Variants in DPP6 observed in about 807,000 individuals in gnomAD.
DPP6 encodes dipeptidyl peptidase like 6, also known as A-type potassium channel modulatory protein DPP6.
In DPP6, 69 loss-of-function variants were observed where a neutral mutation model predicts 122.6. The ratio of observed to expected loss-of-function variants is 0.56; its 90% confidence interval spans 0.46 to 0.69. The LOEUF (loss-of-function observed/expected upper bound fraction) is 0.69. DPP6 is among the 30% of genes least tolerant of loss of function. The pLI is 0.00. For synonymous variants in DPP6, 418 were observed against 433.1 expected (o/e 0.97, Z 0.43); for missense variants, 928 against 1,116.9 (o/e 0.83, Z 2.41).
chr7:154,267,590 CAT>C (rs1448479933), intron 1 of DPP6, among the ~76,000 whole-genome samples: 3 of 150,686 alleles, frequency 2.0e-5, no homozygotes, highest in East Asian at 2.0e-4. Context: ...TGTGCACATA[CAT>C]ATATATGTGC....
chr7:154,474,580 A>G (rs1406950385), intron 2 of DPP6, among the ~76,000 whole-genome samples: 1 of 152,218 alleles, frequency 6.6e-6, no homozygotes, highest in Admixed American at 6.5e-5. Flanking sequence ...CAATTACATC[A>G]TATGACTGAG....
At chr7:154,820,169 G>A (rs1028702161) in intron 16 of DPP6, among the ~76,000 whole-genome samples, 2 of 152,208 alleles carry the variant, frequency 1.3e-5, no homozygotes, top group Admixed American at 6.5e-5. Flanking sequence ...CCACCTGGAC[G>A]AGAGTATAGC....
intron 4 of DPP6, among the ~76,000 whole-genome samples, chr7:154,555,192 A>G (rs1030876744): frequency 1.3e-5 from 2 of 152,168 alleles, no homozygotes; most frequent in Non-Finnish European, 2.9e-5. Context: ...AAAATAGAAG[A>G]AAAAAAGACA....
At chr7:154,281,731 C>G (rs1247971239) in intron 1 of DPP6, among the ~76,000 whole-genome samples, 1 of 152,094 alleles carries the variant, frequency 6.6e-6, no homozygotes, top group Non-Finnish European at 1.5e-5. Flanking sequence ...TGAATAGGGC[C>G]TACTTTGCAA....
chr7:154,837,221 TGCACACACAC>T (rs1801133837), intron 16 of DPP6, among the ~76,000 whole-genome samples: 2 of 146,014 alleles, frequency 1.4e-5, no homozygotes, highest in African/African-American at 2.6e-5. Context: ...TGCACACACA[TGCACACACAC>T]ACGCATGCAT....
chr7:154,632,616 G>C (rs1835475017), intron 5 of DPP6, among the ~76,000 whole-genome samples: 1 of 152,156 alleles, frequency 6.6e-6, no homozygotes, highest in Admixed American at 6.5e-5. Flanking sequence ...ATAGGATGCA[G>C]TCATCTGATA....
intron 1 of DPP6, among the ~76,000 whole-genome samples, chr7:154,179,567 C>G (rs1797971887): frequency 6.6e-6 from 1 of 152,192 alleles, no homozygotes; most frequent in African/African-American, 2.4e-5. Context: ...ATGAGCTCCC[C>G]ATGTCTGGAC....
At chr7:153,903,563 T>C (rs1055300768) in intron 1 of DPP6, among the ~76,000 whole-genome samples, 1 of 152,174 alleles carries the variant, frequency 6.6e-6, no homozygotes, top group African/African-American at 2.4e-5. Context: ...AGAGAAGAGA[T>C]TAAGCATTGG....
chr7:154,675,150 T>C (rs1022053452), intron 7 of DPP6, among the ~76,000 whole-genome samples: 3 of 152,052 alleles, frequency 2.0e-5, no homozygotes, highest in South Asian at 2.1e-4. Flanking sequence ...TAGGTGGGAA[T>C]TGAACAATGA....
At chr7:154,698,388 C>T (rs1586911747) in intron 7 of DPP6, among the ~76,000 whole-genome samples, 1 of 152,276 alleles carries the variant, frequency 6.6e-6, no homozygotes, top group South Asian at 2.1e-4. Flanking sequence ...AAACTAGGAA[C>T]ACTTTTTTAT....
At chr7:154,272,633 G>C (rs1458004262) in intron 1 of DPP6, among the ~76,000 whole-genome samples, 1 of 152,142 alleles carries the variant, frequency 6.6e-6, no homozygotes, top group Non-Finnish European at 1.5e-5. Context: ...GCAGTGTAGG[G>C]GGACTCCATT....
At chr7:154,383,484 TA>T (rs1813808474) in intron 1 of DPP6, among the ~76,000 whole-genome samples, 1 of 152,226 alleles carries the variant, frequency 6.6e-6, no homozygotes, top group Non-Finnish European at 1.5e-5. Flanking sequence ...TTCCTAGGTG[TA>T]AAACATTCTA....
chr7:154,847,915 A>G (rs780010266), intron 16 of DPP6, among the ~76,000 whole-genome samples: 6 of 152,210 alleles, frequency 3.9e-5, no homozygotes, highest in Non-Finnish European at 7.3e-5. Context: ...AAGTGAGATC[A>G]TGTGACATTT....
chr7:153,787,118 A>AT, the DPP6 span, among the ~76,000 whole-genome samples: 715 of 131,148 alleles, frequency 5.5e-3, 3 homozygotes, highest in African/African-American at 0.016. Context: ...CGCCCGGCTA[A>AT]TTTTTGTATT....
Position 154,052,877 on chromosome 7 carries a change from C to T in DPP6, c.57C>T (p.Pro19=), listed in dbSNP as rs1800468995. Residue 19 remains proline, a synonymous_variant, in exon 1 of 26, where the codon CCC becomes CCT. Coordinates refer to ENST00000377770, the MANE Select transcript of DPP6 (RefSeq NM_130797.4). This position sits in a 1 kb window ranked among gnomAD's most constrained non-coding sequence, Gnocchi z 4.8. ...AGATCAACACCTCGAGGTCCTTCCCCGCGCCCCCGGAGGCGAGTCACCTCC... is the reference window on the plus strand; with the variant it reads ...AGATCAACACCTCGAGGTCCTTCCCTGCGCCCCCGGAGGCGAGTCACCTCC... ...TGKINTSRSF[P]APPEASHLLG... 1.3e-6 allele frequency: 2 copies of T among 1,535,052 alleles called. No individual in the cohort carries two copies. The highest frequency in any genetic ancestry group is 1.8e-6 in the Non-Finnish European group (2 of 1,141,108).
rs1327926636 is a variant in DPP6, at chr7:154,801,333, C to G, written c.1300-22C>G. The G allele has an allele frequency of 2.6e-6, 4 of 1,563,352 alleles. No individual in the cohort carries two copies. In the African/African-American group the frequency reaches 4.1e-5, roughly 16 times the overall value. ...ATAAATGATGTTTTAGTTGTGGTTT[C>G]ATCCGTGGCCTTTGTCCACAGAATG... On this transcript the variant is annotated intron_variant, in intron 12 of 25. Transcript: ENST00000377770.
chr7:153,990,065 G>A, intron 1 of DPP6, among the ~76,000 whole-genome samples: 1 of 92,654 alleles, frequency 1.1e-5, no homozygotes, highest in Admixed American at 1.3e-4. Flanking sequence ...AGCAAGCCCC[G>A]CCCCCTGCTG....
chr7:154,751,841 G>T (rs1008534109), intron 8 of DPP6, among the ~76,000 whole-genome samples: 14 of 152,054 alleles, frequency 9.2e-5, no homozygotes, highest in African/African-American at 3.4e-4. Flanking sequence ...ATGGCCGGTG[G>T]GGGGTCCCTC....
chr7:154,010,149 C>A (rs1203327738), intron 1 of DPP6, among the ~76,000 whole-genome samples: 1 of 152,150 alleles, frequency 6.6e-6, no homozygotes, highest in African/African-American at 2.4e-5. Flanking sequence ...CTTGAACAAC[C>A]CGGATTCTTG....
Sources: allele counts gnomAD v4.1 joint callset (sites outside exome capture counted in the v4.1 genomes callset), GRCh38; gene constraint gnomAD v4.1.1; non-coding constraint Gnocchi (gnomAD v3.1); transcripts MANE v1.5; gene names NCBI Gene and HGNC (gene_info 2026-07-23, HGNC 2026-07-21).